The following SUPT16H variants were observed in gnomAD, a reference collection of about 807,000 sequenced individuals.
The protein encoded by SUPT16H is SPT16 homolog, facilitates chromatin remodeling subunit, also known as FACT complex subunit SPT16.
Under a neutral mutation model 136.2 loss-of-function variants are expected in SUPT16H, and 24 were observed. The observed-to-expected ratio is 0.18, with a 90% CI of 0.13 to 0.25. The LOEUF (loss-of-function observed/expected upper bound fraction) is 0.25. Ranked by LOEUF, SUPT16H falls within the 10% of genes least tolerant of loss-of-function variation. SUPT16H has a pLI of 1.00. For missense variants in SUPT16H, 623 were observed against 1,270.2 expected (o/e 0.49, Z 7.74); for synonymous variants, 415 against 428.2 (o/e 0.97, Z 0.38).
At chr14:21,369,136 C>T (rs1219710483) in intron 6 of SUPT16H, 68 bp downstream of exon 6, 2 of 1,540,850 alleles carry the variant, frequency 1.3e-6, no homozygotes, top group Non-Finnish European at 8.7e-7. Context: ...CAAATTTGTA[C>T]AGATTTAACA....
At chr14:21,375,224 G>A (rs1471638859) in intron 1 of SUPT16H, among the ~76,000 whole-genome samples, 1 of 143,476 alleles carries the variant, frequency 7.0e-6, no homozygotes, top group African/African-American at 2.5e-5. Flanking sequence ...ATGTTGGCCA[G>A]GCTGGTCTTG....
At chr14:21,369,119 T>C in intron 6 of SUPT16H, 85 bp downstream of exon 6, 1 of 1,474,800 alleles carries the variant, frequency 6.8e-7, no homozygotes, top group African/African-American at 1.4e-5. Flanking sequence ...AATTTCAGTG[T>C]ACCCCACAAA....
intron 1 of SUPT16H, among the ~76,000 whole-genome samples, chr14:21,379,676 G>A (rs1443829244): frequency 2.0e-5 from 3 of 151,772 alleles, no homozygotes; most frequent in Non-Finnish European, 4.4e-5. Context: ...CAACACGGTG[G>A]AACCCTGTCT....
chr14:21,372,772 G>GT lies in SUPT16H; in HGVS notation c.159+565dup, dbSNP rs760931796. The GT allele has an allele frequency of 4.2e-5, 17 of 408,066 alleles. 1 individual carries two copies. The highest frequency in any genetic ancestry group is 7.6e-5 in the Non-Finnish European group (16 of 210,952). The allele number at this position is 408,066 out of a possible 1,614,324, so 25.3% of individuals were successfully genotyped here. On this transcript the variant is annotated intron_variant, in intron 2 of 25. Transcript: ENST00000216297. ...AACTCACTGTTACTTAGGTTTTTGTGTTATAGCAGCTAAATCCATACTGAT... is the reference window on the plus strand; with the variant it reads ...AACTCACTGTTACTTAGGTTTTTGTGTTTATAGCAGCTAAATCCATACTGAT...
chr14:21,375,669 C>T (rs1008722201), intron 1 of SUPT16H, among the ~76,000 whole-genome samples: 7 of 152,262 alleles, frequency 4.6e-5, no homozygotes, highest in African/African-American at 1.7e-4. Context: ...TCTCGGCTCA[C>T]TGCAACCTCC....
chr14:21,357,348 A>G lies in SUPT16H; in HGVS notation c.2509T>C (p.Leu837=). The G allele has an allele frequency of 6.3e-7, 1 of 1,592,356 alleles. No homozygotes were observed. The highest frequency in any genetic ancestry group is 2.3e-5 in the East Asian group (1 of 44,060). ...ATEWPPFVVT[L]DEVELIHFER... The stretch of plus-strand genomic sequence containing the variant: ...AAGTGGATCAGCTCTACCTCATCCA[A>G]TGTCACCACAAAAGGTGGCTGTCAG... Residue 837 remains leucine (L), a synonymous_variant, in exon 22 of 26, where the codon TTG becomes CTG. Coordinates refer to ENST00000216297, the MANE Select transcript of SUPT16H (RefSeq NM_007192.4).
chr14:21,372,984 C>A (rs192790618), intron 2 of SUPT16H, among the ~76,000 whole-genome samples: 27 of 152,252 alleles, frequency 1.8e-4, no homozygotes, highest in Admixed American at 3.3e-4. Context: ...CACTGTGTTG[C>A]CCAGGCTGGA....
At chr14:21,365,573 G>A (rs1159329423) in intron 8 of SUPT16H, among the ~76,000 whole-genome samples, 1 of 152,164 alleles carries the variant, frequency 6.6e-6, no homozygotes, top group Non-Finnish European at 1.5e-5. Flanking sequence ...ATATTTCCAT[G>A]AGAGAAGTCT....
At chr14:21,373,569 T>TA (rs1434105912) in intron 1 of SUPT16H, 139 bp from the exon 2 acceptor site, 2 of 669,976 alleles carry the variant, frequency 3.0e-6, no homozygotes, top group South Asian at 1.8e-5. Context: ...TTGGCAGTCT[T>TA]ACGGCTATTC....
In SUPT16H at chr14:21,353,476, A is replaced by G. The variant is rs767818199; in HGVS notation, c.2998+12T>C. 1 of 1,611,630 alleles carries G rather than the reference A, an allele frequency of 6.2e-7. No homozygotes were observed. The highest frequency in any genetic ancestry group is 8.5e-7 in the Non-Finnish European group (1 of 1,179,448). On this transcript the variant is annotated intron_variant, in intron 25 of 25. Coordinates refer to ENST00000216297, the MANE Select transcript of SUPT16H (RefSeq NM_007192.4). ...TAGACAAATGAATAAAAAACAACAC[A>G]TTTTTAAAAACCTTTTCGGGCTTCT...
At position 21,352,507 on chromosome 14, in the gene SUPT16H, TG is replaced by T; in HGVS notation, c.*165del. 5.3e-6 allele frequency: 6 copies of T among 1,139,986 alleles called. No individual in the cohort carries two copies. The highest frequency in any genetic ancestry group is 7.4e-6 in the Non-Finnish European group (6 of 805,718). The allele number at this position is 1,139,986 out of a possible 1,614,324, so 70.6% of individuals were successfully genotyped here. ...CCATTGGCACGTGTCCTGGTGGGCC[TG>T]GAATTCCCCGAGTAGATTGGTCCAC... On this transcript the variant is annotated 3_prime_UTR_variant, in exon 26 of 26. Coordinates refer to ENST00000216297, the MANE Select transcript of SUPT16H (RefSeq NM_007192.4).
chr14:21,368,613 T>TA (rs1161242068), intron 6 of SUPT16H, among the ~76,000 whole-genome samples, 172 bp from the exon 7 acceptor site: 2 of 152,202 alleles, frequency 1.3e-5, no homozygotes, highest in African/African-American at 2.4e-5. Flanking sequence ...AACCAGTTTA[T>TA]AAAGGCTCTG....
chr14:21,362,363 T>C, intron 14 of SUPT16H, 39 bp from the exon 15 acceptor site: 1 of 1,591,524 alleles, frequency 6.3e-7, no homozygotes, highest in Non-Finnish European at 8.6e-7. Context: ...ACAGATTTCT[T>C]TCCTAGAGAT....
chr14:21,383,336 G>C (rs1887078963), intron 1 of SUPT16H: 1 of 438,264 alleles, frequency 2.3e-6, no homozygotes, highest in South Asian at 3.9e-5. Flanking sequence ...CCTAGAACAT[G>C]AGGCGGTTGC....
intron 22 of SUPT16H, 51 bp downstream of exon 22, chr14:21,357,146 A>G (rs998352222): frequency 6.8e-7 from 1 of 1,468,618 alleles, no homozygotes; most frequent in Non-Finnish European, 9.1e-7. Flanking sequence ...TTCAAATTCT[A>G]TAAAACAGGG....
In SUPT16H at chr14:21,352,501, TGGGCCTGGA is replaced by T. The variant is rs1886334230; in HGVS notation, c.*163_*171del. 4.8e-6 allele frequency: 5 copies of T among 1,040,142 alleles called. No homozygotes were observed. Among genetic ancestry groups the T allele is most frequent in the Non-Finnish European group, 7.0e-6 (5 of 715,286 alleles). The allele number at this position is 1,040,142 out of a possible 1,614,324, so 64.4% of individuals were successfully genotyped here. On this transcript the variant is annotated 3_prime_UTR_variant, in exon 26 of 26. Coordinates refer to ENST00000216297, the MANE Select transcript of SUPT16H (RefSeq NM_007192.4). Reference sequence around the variant, plus strand: ...ATGGGGCCATTGGCACGTGTCCTGGTGGGCCTGGAATTCCCCGAGTAGATTGGTCCACAC... The same window carrying T: ...ATGGGGCCATTGGCACGTGTCCTGGTATTCCCCGAGTAGATTGGTCCACAC...
Position 21,383,948 on chromosome 14 carries a change from C to T in SUPT16H, c.-21G>A, listed in dbSNP as rs1194010529. On this transcript the variant is annotated 5_prime_UTR_variant, in exon 1 of 26. Coordinates refer to ENST00000216297, the MANE Select transcript of SUPT16H (RefSeq NM_007192.4). ...GCCATAGCCCCGGACGCCGCTTCTC[C>T]TCGGGTTCCGAGAATCACGCGAGGT... is the stretch of plus-strand genomic sequence containing the variant. 1.2e-6 allele frequency: 2 copies of T among 1,612,316 alleles called. No individual in the cohort carries two copies. The highest frequency in any genetic ancestry group is 1.1e-5 in the South Asian group (1 of 91,002).
intron 2 of SUPT16H, 136 bp from the exon 3 acceptor site, chr14:21,372,180 G>A: frequency 1.0e-6 from 1 of 976,818 alleles, no homozygotes; most frequent in East Asian, 2.7e-5. Flanking sequence ...TGGGGAGTCT[G>A]GAGTGGATAC....
intron 1 of SUPT16H, among the ~76,000 whole-genome samples, chr14:21,379,423 C>T (rs901964058): frequency 1.5e-5 from 2 of 129,258 alleles, no homozygotes; most frequent in Non-Finnish European, 3.2e-5. Context: ...GTGGCACAGT[C>T]AGACTGTCTC....
Sources: allele counts gnomAD v4.1 joint callset (sites outside exome capture counted in the v4.1 genomes callset), GRCh38; gene constraint gnomAD v4.1.1; transcripts MANE v1.5; gene names NCBI Gene and HGNC (gene_info 2026-07-23, HGNC 2026-07-21).